The following COL6A6 variants were observed in gnomAD, a reference collection of about 807,000 sequenced individuals.
The protein encoded by COL6A6 is collagen alpha-6(VI) chain.
In COL6A6, 183 loss-of-function variants were observed where a neutral mutation model predicts 208.6. That is an observed-to-expected ratio of 0.88 (90% CI 0.78 to 0.99). The LOEUF (loss-of-function observed/expected upper bound fraction) is 0.99. COL6A6 is among the 50% of genes least tolerant of loss of function. COL6A6 has a pLI of 0.00. For missense variants in COL6A6, 2,816 were observed against 2,815.2 expected, an observed-to-expected ratio of 1.00 and a Z score of -0.01; for synonymous variants, 973 against 1,011.8, an observed-to-expected ratio of 0.96 and a Z score of 0.73.
chr3:130,582,386 C>T (rs752719578), intron 10 of COL6A6, among the ~76,000 whole-genome samples: 1 of 152,158 alleles, frequency 6.6e-6, no homozygotes, highest in Non-Finnish European at 1.5e-5. Context: ...AATATTGCTA[C>T]TTCTTTAGTG....
chr3:130,663,937 G>A (rs2066002919), intron 35 of COL6A6, among the ~76,000 whole-genome samples: 1 of 152,124 alleles, frequency 6.6e-6, no homozygotes, highest in South Asian at 2.1e-4. Flanking sequence ...AAGTCTACAT[G>A]CTTAATTCCA....
Position 130,670,047 on chromosome 3 carries a change from C to T in COL6A6, c.6596+4951C>T, listed in dbSNP as rs148564342. Among the ~76,000 whole-genome samples the T allele has an allele frequency of 4.6e-5, 7 of 152,360 alleles. No individual in the cohort carries two copies. The East Asian group carries it at 1.2e-3, about 25-fold the overall frequency. ...GGCACTCCTAATGCAGTAGCCCCAG[C>T]TCTGTCACCTCTGAGAAGCCTCCAC... On this transcript the variant is annotated intron_variant, in intron 36 of 36. Coordinates refer to ENST00000358511, the MANE Select transcript of COL6A6 (RefSeq NM_001102608.3).
At position 130,676,945 on chromosome 3, in the gene COL6A6, GT is replaced by G. The variant is rs1218731002; in HGVS notation, c.*1550del. ...AAGGGATTTTTCTAGTTAACTCTGA[GT>G]TAAGCACGAACTCCTTTCTTTTGTT... On this transcript the variant is annotated 3_prime_UTR_variant, in exon 37 of 37. Transcript: ENST00000358511. The G allele has an allele frequency of 6.6e-6, 1 of 152,220 alleles. No homozygotes were observed. The highest frequency in any genetic ancestry group is 2.4e-5 in the African/African-American group (1 of 41,454). 9.4% of individuals were successfully genotyped at this position (152,220 alleles called of 1,614,324 possible). A position where few individuals can be genotyped will look rare whatever the true frequency, so the allele number is the denominator to read the frequency against.
intron 1 of COL6A6, among the ~76,000 whole-genome samples, chr3:130,547,604 G>A: frequency 6.6e-6 from 1 of 152,250 alleles, no homozygotes; most frequent in East Asian, 1.9e-4. Flanking sequence ...CCGCCAGCAT[G>A]TTGTCACCTC....
chr3:130,595,926 A>G (rs2063839489), intron 18 of COL6A6, among the ~76,000 whole-genome samples: 1 of 152,226 alleles, frequency 6.6e-6, no homozygotes. Context: ...CTAGCAATGT[A>G]TGAGAACGGT....
chr3:130,604,211 G>T (rs553179388), intron 20 of COL6A6, among the ~76,000 whole-genome samples: 1 of 152,268 alleles, frequency 6.6e-6, no homozygotes, highest in East Asian at 1.9e-4. Flanking sequence ...CCAAGTAACT[G>T]GGCCGGGCGT....
intron 1 of COL6A6, among the ~76,000 whole-genome samples, chr3:130,529,743 T>C (rs1442213427): frequency 6.6e-6 from 1 of 152,218 alleles, no homozygotes; most frequent in African/African-American, 2.4e-5. Context: ...AGTGAGGTTC[T>C]CTATTAAAGC....
intron 10 of COL6A6, among the ~76,000 whole-genome samples, chr3:130,585,398 A>G (rs2063515171): frequency 6.6e-6 from 1 of 152,206 alleles, no homozygotes; most frequent in Non-Finnish European, 1.5e-5. Flanking sequence ...ATAATTATAC[A>G]TACCAATAGA....
chr3:130,611,829 G>C (rs569904365), intron 23 of COL6A6, among the ~76,000 whole-genome samples: 31 of 152,198 alleles, frequency 2.0e-4, no homozygotes, highest in Non-Finnish European at 3.8e-4. Flanking sequence ...GTGCAGGTTG[G>C]TTATGCAGGC....
chr3:130,550,364 C>A (rs1042874555), intron 1 of COL6A6, among the ~76,000 whole-genome samples: 3 of 152,138 alleles, frequency 2.0e-5, no homozygotes, highest in African/African-American at 7.2e-5. Context: ...ATGAGAGAGA[C>A]CATCCTTGTT....
rs191965167 is a variant in COL6A6, at chr3:130,555,810, G to A, written c.-31-4524G>A. Among the ~76,000 whole-genome samples, 68 of 151,982 alleles carry A rather than the reference G, an allele frequency of 4.5e-4. 1 individual carries two copies. Among genetic ancestry groups the A allele is most frequent in the Admixed American group, 3.6e-3 (55 of 15,278 alleles). The stretch of plus-strand genomic sequence containing the variant: ...TTTATTATTTAAGCTATTAATGTGC[G>A]TTACATTTATGTATTTCTTAATTTT... On this transcript the variant is annotated intron_variant, in intron 1 of 36. Transcript: ENST00000358511.
At chr3:130,597,547 G>A (rs989374646) in intron 18 of COL6A6, among the ~76,000 whole-genome samples, 3 of 152,204 alleles carry the variant, frequency 2.0e-5, no homozygotes, top group African/African-American at 7.2e-5. Flanking sequence ...CACTCAGCAG[G>A]ACTGGATAAT....
At chr3:130,639,868 T>C (rs2065262079) in intron 28 of COL6A6, among the ~76,000 whole-genome samples, 2 of 152,296 alleles carry the variant, frequency 1.3e-5, no homozygotes, top group African/African-American at 2.4e-5. Context: ...AAAAACTTCT[T>C]ACAGTTTCCT....
At position 130,568,168 on chromosome 3, in the gene COL6A6, A is replaced by G. The variant is rs181292608; in HGVS notation, c.1965A>G (p.Gly655=). Residue 655 remains glycine, a synonymous_variant, in exon 6 of 37, where the codon GGA becomes GGG. Transcript: ENST00000358511. ...MKNLVSKSQI[G]PDRVQIGVVQ... The stretch of plus-strand genomic sequence containing the variant: ...ACCTGGTGAGCAAGTCTCAGATTGG[A>G]CCAGATCGGGTGCAAATTGGTGTAG... 114 of 1,613,994 alleles carry G rather than the reference A, an allele frequency of 7.1e-5. No homozygotes were observed. The African/African-American group carries it at 1.2e-3, about 17-fold the overall frequency.
chr3:130,673,185 AAAAAAC>A (rs2066266411), intron 36 of COL6A6, among the ~76,000 whole-genome samples: 2 of 143,578 alleles, frequency 1.4e-5, no homozygotes, highest in East Asian at 2.0e-4. Context: ...TCTCAAAAAA[AAAAAAC>A]AAAAAAACAA....
At chr3:130,649,591 A>G (rs1381125590) in intron 33 of COL6A6, 29 bp downstream of exon 33, 20 of 1,523,334 alleles carry the variant, frequency 1.3e-5, no homozygotes, top group Non-Finnish European at 1.6e-5. Flanking sequence ...TCACATGACA[A>G]TTCTTACTTA....
At chr3:130,660,743 C>T (rs1483197376) in intron 34 of COL6A6, among the ~76,000 whole-genome samples, 1 of 152,232 alleles carries the variant, frequency 6.6e-6, no homozygotes, top group Non-Finnish European at 1.5e-5. Context: ...CATCCCAGCT[C>T]TCAGGCCAAG....
intron 1 of COL6A6, among the ~76,000 whole-genome samples, chr3:130,544,439 A>G (rs114571583): frequency 0.017 from 2,560 of 152,144 alleles, 69 homozygotes; most frequent in African/African-American, 0.056. Flanking sequence ...CATGATGAAC[A>G]CTTCAGTCGT....
chr3:130,594,237 A>G (rs1560041304), intron 17 of COL6A6, 44 bp from the exon 18 acceptor site: 2 of 1,405,108 alleles, frequency 1.4e-6, no homozygotes, highest in East Asian at 2.3e-5. Flanking sequence ...TAATTTTATT[A>G]AAACTTCTTG....
Sources: gnomAD v4.1 joint callset for allele counts (sites outside exome capture counted in the v4.1 genomes callset) on GRCh38, gnomAD v4.1.1 for gene constraint, MANE v1.5 for transcripts, NCBI Gene and HGNC (gene_info 2026-07-23, HGNC 2026-07-21) for gene names.